The following ARFRP1 variants were observed in gnomAD, a reference collection of about 807,000 sequenced individuals.
ARFRP1 encodes the protein ADP-ribosylation factor-related protein 1.
ARFRP1 carries 19 observed loss-of-function variants against 30.3 expected under a neutral mutation model. The observed-to-expected ratio is 0.63, with a 90% CI of 0.44 to 0.92. The LOEUF is 0.92. Among genes scored for constraint, ARFRP1 ranks in the 40% least tolerant of loss-of-function variants. The probability of loss-of-function intolerance (pLI) is 0.00; values close to 1 mark genes in which losing one functional copy is unlikely to be tolerated. For synonymous variants in ARFRP1, 133 were observed against 114.2 expected (o/e 1.16, Z -1.05); for missense variants, 245 against 267.5 (o/e 0.92, Z 0.59).
chr20:63,706,826 A>G, intron 2 of ARFRP1, 88 bp from the exon 3 acceptor site: 2 of 1,294,440 alleles, frequency 1.5e-6, no homozygotes, highest in Non-Finnish European at 2.2e-6. Flanking sequence ...TTTAAAAGAC[A>G]GAAACAGAAA....
chr20:63,700,823 G>C, intron 6 of ARFRP1, 121 bp from the exon 7 acceptor site: 2 of 1,349,768 alleles, frequency 1.5e-6, no homozygotes, highest in Non-Finnish European at 2.0e-6. Context: ...GCTCCACCAG[G>C]GTCCCAGTGT....
Position 63,702,307 on chromosome 20 carries a change from T to G in ARFRP1, c.265-90A>C, listed in dbSNP as rs959811865. ...CTGTGTCATGGCCACAGTGAGGGGC[T>G]CACATGAGGAAGGGGCAAGAGGGCA... On this transcript the variant is annotated intron_variant, in intron 4 of 7. Transcript: ENST00000622789. 6 of 1,288,168 alleles carry G rather than the reference T, an allele frequency of 4.7e-6. No homozygotes were observed. In the African/African-American group the frequency reaches 7.3e-5, roughly 16 times the overall value. The allele number at this position is 1,288,168 out of a possible 1,614,324, so 79.8% of individuals were successfully genotyped here.
chr20:63,702,056 G>GCCCCA, intron 5 of ARFRP1, 80 bp downstream of exon 5: 1 of 1,190,996 alleles, frequency 8.4e-7, no homozygotes, highest in Non-Finnish European at 1.2e-6. Context: ...CACTGAGCCT[G>GCCCCA]CCCCAGGCAC....
At chr20:63,705,975 G>C (rs1210814280) in intron 4 of ARFRP1, 2 of 346,708 alleles carry the variant, frequency 5.8e-6, no homozygotes, top group Non-Finnish European at 1.1e-5. Context: ...GATCCCCCCC[G>C]GCTTCAGGCA....
intron 4 of ARFRP1, chr20:63,704,822 T>C (rs1426160336): frequency 2.6e-5 from 4 of 152,226 alleles, no homozygotes; most frequent in African/African-American, 9.7e-5. Flanking sequence ...GGGACCCACT[T>C]TGGCTGCAAA....
At chr20:63,701,119 C>A in intron 6 of ARFRP1, 1 of 412,964 alleles carries the variant, frequency 2.4e-6, no homozygotes, top group Non-Finnish European at 5.1e-6. Flanking sequence ...CTGCTCACAA[C>A]CACCTGCCCA....
chr20:63,702,070 G>A, intron 5 of ARFRP1, 66 bp downstream of exon 5: 1 of 1,490,766 alleles, frequency 6.7e-7, no homozygotes, highest in Non-Finnish European at 9.1e-7. Context: ...CAGGCACAGA[G>A]CTGCCCAAGC....
Position 63,698,833 on chromosome 20 carries a change from A to G in ARFRP1, c.*1610T>C, listed in dbSNP as rs1468853811. 2.9e-6 allele frequency: 1 copy of G among 341,332 alleles called. No individual in the cohort carries two copies. The allele number at this position is 341,332 out of a possible 1,614,324, so 21.1% of individuals were successfully genotyped here. ...ACCCTCCCTGGGAGGATCAGTGGGGAGTGCCACCTCTGCCCCCAGTGGCTG... is the reference window on the plus strand; with the variant it reads ...ACCCTCCCTGGGAGGATCAGTGGGGGGTGCCACCTCTGCCCCCAGTGGCTG... On this transcript the variant is annotated 3_prime_UTR_variant, in exon 8 of 8. Coordinates refer to ENST00000622789, the MANE Select transcript of ARFRP1 (RefSeq NM_001267547.3).
intron 4 of ARFRP1, chr20:63,706,064 C>G: frequency 2.5e-6 from 1 of 397,954 alleles, no homozygotes; most frequent in Non-Finnish European, 4.8e-6. Flanking sequence ...AATACATGCT[C>G]TGATCTGATC....
Position 63,698,712 on chromosome 20 carries a change from G to A in ARFRP1, c.*1731C>T. 9.9e-7 allele frequency: 1 copy of A among 1,005,210 alleles called. No homozygotes were observed. Among genetic ancestry groups the A allele is most frequent in the South Asian group, 2.2e-5 (1 of 45,210 alleles). 62.3% of individuals were successfully genotyped at this position (1,005,210 alleles called of 1,614,324 possible). ...GGTTGTAGTTGCACAGCTACTGGGA[G>A]GGCAGCCGGGGACACCTGAGCCGCC... On this transcript the variant is annotated 3_prime_UTR_variant, in exon 8 of 8. Transcript: ENST00000622789.
Position 63,706,909 on chromosome 20 carries a change from C to T in ARFRP1, c.93+90G>A, listed in dbSNP as rs141182986. 329 of 1,501,134 alleles carry T rather than the reference C, an allele frequency of 2.2e-4. No homozygotes were observed. The African/African-American group carries it at 4.2e-3, about 19-fold the overall frequency. 93.0% of individuals were successfully genotyped at this position (1,501,134 alleles called of 1,614,324 possible). Reference sequence around the variant, plus strand: ...GTCTCAGGTGAAATTTGGCTTCCGTCTGGGTAGTGAACGTGCAGCTGACAG... The same window carrying T: ...GTCTCAGGTGAAATTTGGCTTCCGTTTGGGTAGTGAACGTGCAGCTGACAG... On this transcript the variant is annotated intron_variant, in intron 2 of 7. Coordinates refer to ENST00000622789, the MANE Select transcript of ARFRP1 (RefSeq NM_001267547.3).
At chr20:63,700,887 T>C (rs2091172170) in intron 6 of ARFRP1, 185 bp from the exon 7 acceptor site, 1 of 748,782 alleles carries the variant, frequency 1.3e-6, no homozygotes, top group East Asian at 2.8e-5. Flanking sequence ...AGGCTGAACA[T>C]GGCTGGTAGT....
At position 63,700,348 on chromosome 20, in the gene ARFRP1, C is replaced by A; in HGVS notation, c.*95G>T. 1 of 1,550,510 alleles carries A rather than the reference C, an allele frequency of 6.4e-7. No individual in the cohort carries two copies. The stretch of plus-strand genomic sequence containing the variant: ...TAAATAGAAGAACCCCAAAGCAAAG[C>A]AAACCCACCCCCCAGATCAGCAGCA... On this transcript the variant is annotated 3_prime_UTR_variant, in exon 8 of 8. Coordinates refer to ENST00000622789, the MANE Select transcript of ARFRP1 (RefSeq NM_001267547.3).
intron 5 of ARFRP1, 114 bp from the exon 6 acceptor site, chr20:63,702,014 T>TCC: frequency 9.8e-6 from 2 of 204,174 alleles, no homozygotes; most frequent in Non-Finnish European, 7.8e-6. Flanking sequence ...CCCCCCCCCG[T>TCC]CACCCACTAG....
At chr20:63,701,401 G>T in intron 6 of ARFRP1, 1 of 530,664 alleles carries the variant, frequency 1.9e-6, no homozygotes. Context: ...GTCTTGAGGG[G>T]CTGCCCTGGG....
chr20:63,701,302 G>A (rs764657262), intron 6 of ARFRP1: 4 of 530,734 alleles, frequency 7.5e-6, no homozygotes, highest in Non-Finnish European at 1.5e-5. Flanking sequence ...CCCTCTGGAC[G>A]CCGGGCTGCT....
chr20:63,707,120 G>C (rs2091517534), intron 1 of ARFRP1, 23 bp from the exon 2 acceptor site: 1 of 1,577,204 alleles, frequency 6.3e-7, no homozygotes, highest in Admixed American at 1.8e-5. Flanking sequence ...ACATAGGTCA[G>C]TGTGCAGCCA....
In ARFRP1 at chr20:63,700,542, G is replaced by A. The variant is rs368664540; in HGVS notation, c.519-12C>T. 32 of 1,610,868 alleles carry A rather than the reference G, an allele frequency of 2.0e-5. No individual in the cohort carries two copies. The African/African-American group carries it at 3.5e-4, about 17-fold the overall frequency. On this transcript the variant is annotated splice_polypyrimidine_tract_variant and intron_variant, in intron 7 of 7. Coordinates refer to ENST00000622789, the MANE Select transcript of ARFRP1 (RefSeq NM_001267547.3). ...CGCGCACCCCTTTGCTGTGAAGACA[G>A]CGGGTGTGAGGCGGGGGGTCTCGGT...
At chr20:63,702,005 C>CCT in intron 5 of ARFRP1, 105 bp from the exon 6 acceptor site, 1 of 967,376 alleles carries the variant, frequency 1.0e-6, no homozygotes, top group Non-Finnish European at 1.5e-6. Flanking sequence ...TCTGCCCCCC[C>CCT]CCCCCCCGTC....
Sources: gnomAD v4.1 joint callset for allele counts on GRCh38, gnomAD v4.1.1 for gene constraint, MANE v1.5 for transcripts, NCBI Gene and HGNC (gene_info 2026-07-23, HGNC 2026-07-21) for gene names.